Variants in PDS5A observed in about 807,000 individuals in gnomAD.
The protein encoded by PDS5A is sister chromatid cohesion protein PDS5 homolog A.
Under a neutral mutation model 167.1 loss-of-function variants are expected in PDS5A, and 42 were observed. That is an observed-to-expected ratio of 0.25 (90% CI 0.20 to 0.33). PDS5A has a LOEUF of 0.33. PDS5A is among the 10% of genes least tolerant of loss of function. PDS5A has a pLI of 1.00. For missense variants in PDS5A, 1,033 were observed against 1,605.9 expected (o/e 0.64, Z 6.10); for synonymous variants, 553 against 554.6 (o/e 1.00, Z 0.04).
intron 2 of PDS5A, among the ~76,000 whole-genome samples, chr4:39,938,471 C>T (rs1483566207): frequency 6.6e-6 from 1 of 151,942 alleles, no homozygotes; most frequent in African/African-American, 2.4e-5. Flanking sequence ...AGGAGAATCA[C>T]TTGAACCGGG....
Position 39,842,044 on chromosome 4 carries a change from T to G in PDS5A, c.3561A>C (p.Ser1187=), listed in dbSNP as rs1717077525. 6.3e-7 allele frequency: 1 copy of G among 1,599,238 alleles called. No individual in the cohort carries two copies. Among genetic ancestry groups the G allele is most frequent in the South Asian group, 1.1e-5 (1 of 90,762 alleles). The change falls in exon 31 of 33, where the codon TCA becomes TCC. Residue 1187 remains serine, a synonymous_variant. Transcript: ENST00000303538. ...STGNRSREQS[S]EAAETGVSEN... ...CACTAACTCCAGTTTCTGCTGCCTC[T>G]GAACTCTGTTCCCTGTTTAAAACAA...
chr4:39,975,211 G>A (rs942143109), intron 2 of PDS5A, among the ~76,000 whole-genome samples: 2 of 152,076 alleles, frequency 1.3e-5, no homozygotes, highest in Non-Finnish European at 2.9e-5. Context: ...GGGAAGTGGA[G>A]GTTGCAGTGA....
At chr4:39,864,739 T>C (rs1719282076) in intron 23 of PDS5A, among the ~76,000 whole-genome samples, 1 of 152,190 alleles carries the variant, frequency 6.6e-6, no homozygotes, top group African/African-American at 2.4e-5. Flanking sequence ...ATTATGTGAG[T>C]GCTTACTCCG....
chr4:39,931,725 G>T (rs1267056996), intron 2 of PDS5A, among the ~76,000 whole-genome samples: 1 of 152,172 alleles, frequency 6.6e-6, no homozygotes, highest in East Asian at 1.9e-4. Context: ...AGCCTGTTCC[G>T]TTACTCAGGA....
At chr4:39,870,997 C>G (rs1389377565) in intron 21 of PDS5A, among the ~76,000 whole-genome samples, 1 of 152,120 alleles carries the variant, frequency 6.6e-6, no homozygotes, top group Non-Finnish European at 1.5e-5. Context: ...ACAAAAGGAA[C>G]AACATTCTGA....
At chr4:39,947,693 C>T (rs1223542554) in intron 2 of PDS5A, among the ~76,000 whole-genome samples, 1 of 152,160 alleles carries the variant, frequency 6.6e-6, no homozygotes, top group Non-Finnish European at 1.5e-5. Context: ...CATTCAAAGC[C>T]ATCCTGGGTC....
intron 26 of PDS5A, 71 bp from the exon 27 acceptor site, chr4:39,849,723 T>A (rs1717950935): frequency 2.1e-6 from 2 of 961,520 alleles, no homozygotes; most frequent in Non-Finnish European, 3.1e-6. Flanking sequence ...ATATGTTAGC[T>A]GGGAATTTCT....
intron 7 of PDS5A, among the ~76,000 whole-genome samples, chr4:39,919,029 AT>A (rs1724673221): frequency 6.6e-6 from 1 of 152,226 alleles, no homozygotes; most frequent in South Asian, 2.1e-4. Flanking sequence ...ATTTCTGAGA[AT>A]TAAGAAATGT....
At chr4:39,844,625 T>C (rs1295053671) in intron 30 of PDS5A, 31 bp downstream of exon 30, 2 of 1,579,026 alleles carry the variant, frequency 1.3e-6, no homozygotes, top group Non-Finnish European at 1.7e-6. Context: ...TAGTGAGTGC[T>C]AGTAACAAAA....
intron 26 of PDS5A, among the ~76,000 whole-genome samples, chr4:39,860,082 A>G (rs1035439955): frequency 1.2e-4 from 19 of 152,090 alleles, no homozygotes; most frequent in African/African-American, 3.1e-4. Context: ...AAGAGAGAGA[A>G]AAAAAAAGGT....
chr4:39,976,621 T>C lies in PDS5A; in HGVS notation c.-40-4A>G, dbSNP rs1189084825. ...GTTCACAGTCCTCTACCGGCCTCTATCGGTCAGAAAACCAAAGTTCAGCGG... is the reference window on the plus strand; with the variant it reads ...GTTCACAGTCCTCTACCGGCCTCTACCGGTCAGAAAACCAAAGTTCAGCGG... On this transcript the variant is annotated splice_region_variant and splice_polypyrimidine_tract_variant and intron_variant, in intron 1 of 32. Transcript: ENST00000303538. 4.6e-6 allele frequency: 7 copies of C among 1,537,038 alleles called. No individual in the cohort carries two copies. Among genetic ancestry groups the C allele is most frequent in the Non-Finnish European group, 6.2e-6 (7 of 1,128,092 alleles).
Position 39,832,220 on chromosome 4 carries a change from A to AT in PDS5A, c.4010+5635dup, listed in dbSNP as rs111385282. On this transcript the variant is annotated intron_variant, in intron 32 of 32. Transcript: ENST00000303538. ...AAATAATTATGCATGGATTTCAATT[A>AT]TTTTTTTTTTTGAGTTGGAGTCTCA... 9.8e-3 allele frequency among the ~76,000 whole-genome samples: 1,440 copies of AT among 147,630 alleles called. 22 individuals carry two copies. Among genetic ancestry groups the AT allele is most frequent in the African/African-American group, 0.033 (1,355 of 40,520 alleles).
chr4:39,936,401 A>G (rs976378706), intron 2 of PDS5A, among the ~76,000 whole-genome samples: 1 of 152,054 alleles, frequency 6.6e-6, no homozygotes, highest in Admixed American at 6.6e-5. Flanking sequence ...ATTTGCTAGA[A>G]TAACTCACAG....
In PDS5A at chr4:39,908,339, T is replaced by C; in HGVS notation, c.1233+56A>G. The C allele has an allele frequency of 3.8e-6, 5 of 1,302,170 alleles. No individual in the cohort carries two copies. In the Admixed American group the frequency reaches 8.9e-5, roughly 23 times the overall value. 80.7% of individuals were successfully genotyped at this position (1,302,170 alleles called of 1,614,324 possible). A position where few individuals can be genotyped will look rare whatever the true frequency, so the allele number is the denominator to read the frequency against. On this transcript the variant is annotated intron_variant, in intron 11 of 32. Transcript: ENST00000303538. Reference sequence around the variant, plus strand: ...AATGTAACAGAAAATGATACCCAATTGTATTTAGCAATTTAAACAGTAAAT... The same window carrying C: ...AATGTAACAGAAAATGATACCCAATCGTATTTAGCAATTTAAACAGTAAAT...
chr4:39,961,673 C>T (rs935463210), intron 2 of PDS5A, among the ~76,000 whole-genome samples: 20 of 152,182 alleles, frequency 1.3e-4, no homozygotes, highest in African/African-American at 4.6e-4. Flanking sequence ...GGATTACAGG[C>T]ATGTGGCACC....
chr4:39,911,810 C>T lies in PDS5A; in HGVS notation c.993-1472G>A, dbSNP rs188988444. On this transcript the variant is annotated intron_variant, in intron 9 of 32. Transcript: ENST00000303538. ...TCGCGCCACTGCACTCCAGCCTGGG[C>T]GACAGAGTGAGACTCCGTCTCAATT... Among the ~76,000 whole-genome samples the T allele has an allele frequency of 1.6e-3, 222 of 138,658 alleles. No homozygotes were observed. In the Middle Eastern group the frequency reaches 0.03, roughly 19 times the overall value. The allele number at this position is 138,658 out of a possible 152,430, so 91.0% of individuals were successfully genotyped here.
At chr4:39,870,445 G>A (rs1260826414) in intron 21 of PDS5A, among the ~76,000 whole-genome samples, 2 of 152,100 alleles carry the variant, frequency 1.3e-5, no homozygotes, top group Non-Finnish European at 2.9e-5. Context: ...AAATTAGCCA[G>A]GCATGGTGGC....
chr4:39,873,357 T>G (rs1357054704), intron 20 of PDS5A, among the ~76,000 whole-genome samples: 3 of 152,076 alleles, frequency 2.0e-5, no homozygotes, highest in Non-Finnish European at 4.4e-5. Flanking sequence ...AGAAAAAAGA[T>G]AAAAGAAAAA....
intron 7 of PDS5A, among the ~76,000 whole-genome samples, chr4:39,917,781 G>T (rs1055386465): frequency 6.6e-6 from 1 of 152,082 alleles, no homozygotes; most frequent in African/African-American, 2.4e-5. Context: ...CACCGTGTTG[G>T]CCAGGCTGGT....
Sources: gnomAD v4.1 joint callset for allele counts (sites outside exome capture counted in the v4.1 genomes callset) on GRCh38, gnomAD v4.1.1 for gene constraint, MANE v1.5 for transcripts, NCBI Gene and HGNC (gene_info 2026-07-23, HGNC 2026-07-21) for gene names.